Variants in DNAH5 observed in about 807,000 individuals in gnomAD.
DNAH5 encodes the protein dynein axonemal heavy chain 5, also known as axonemal beta dynein heavy chain 5.
Under a neutral mutation model 518.2 loss-of-function variants are expected in DNAH5, and 372 were observed. The observed-to-expected ratio is 0.72, with a 90% CI of 0.66 to 0.78. The LOEUF (loss-of-function observed/expected upper bound fraction) is 0.78, where lower values mean the gene tolerates loss of function less well. Ranked by LOEUF, DNAH5 falls within the 30% of genes least tolerant of loss-of-function variation. DNAH5 has a pLI of 0.00. For synonymous variants in DNAH5, 2,039 were observed against 2,025.9 expected, an observed-to-expected ratio of 1.01 and a Z score of -0.17; for missense variants, 5,523 against 5,687.0, an observed-to-expected ratio of 0.97 and a Z score of 0.93.
Position 13,866,243 on chromosome 5 carries a change from T to G in DNAH5, c.4093A>C (p.Ser1365Arg). 6.2e-7 allele frequency: 1 copy of G among 1,613,696 alleles called. No homozygotes were observed. Among genetic ancestry groups the G allele is most frequent in the Non-Finnish European group, 8.5e-7 (1 of 1,179,808 alleles). ...ACCTGAAACATGATAAGCCTGTCAC[T>G]GGCTTCCTGGGGCTTCAAGCCGCTA... ...MASGLKPQEASDRLIMFQNQF... is the reference protein window; with the variant it reads ...MASGLKPQEARDRLIMFQNQF... The change falls in exon 26 of 79, where the codon AGT becomes CGT. Residue 1365 changes from serine (S) to arginine (R), a missense_variant. Ser to Arg is a moderately radical substitution (Grantham distance 110). Transcript: ENST00000265104.
chr5:13,901,933 C>T, intron 13 of DNAH5, 120 bp downstream of exon 13: 4 of 751,804 alleles, frequency 5.3e-6, no homozygotes, highest in Non-Finnish European at 8.7e-6. Context: ...CCTTGTGACC[C>T]AAATTGCCAA....
chr5:13,752,318 G>C (rs1284884386), intron 63 of DNAH5, 29 bp from the exon 64 acceptor site: 2 of 1,613,162 alleles, frequency 1.2e-6, no homozygotes, highest in East Asian at 4.5e-5. Context: ...GGTTGCTATT[G>C]GCAGACATTA....
In DNAH5 at chr5:13,864,464, C is replaced by T. The variant is rs1768929929; in HGVS notation, c.4529G>A (p.Gly1510Glu). 4 of 1,614,080 alleles carry T rather than the reference C, an allele frequency of 2.5e-6. No homozygotes were observed. Among genetic ancestry groups the T allele is most frequent in the Non-Finnish European group, 3.4e-6 (4 of 1,179,996 alleles). ...TTLTGHSLDV[G>E]NESFKLRNIM... The stretch of plus-strand genomic sequence containing the variant: ...ATTTCTTAACTTAAAGCTTTCATTC[C>T]CCACATCCAGACTGTGCCCGGTGAG... The change falls in exon 28 of 79, where the codon GGG (glycine) becomes GAG (glutamate). Residue 1510 changes from glycine (G) to glutamate (E), a missense_variant. By Grantham distance (98) the Gly-to-Glu change is moderately conservative. This residue lies in a region of DNAH5 where 5,121 missense variants were observed against 5,223.3 expected (regional missense o/e 0.98). Transcript: ENST00000265104.
At chr5:13,989,710 C>G (rs1783374055) in intron 1 of DNAH5, among the ~76,000 whole-genome samples, 5 of 152,236 alleles carry the variant, frequency 3.3e-5, no homozygotes, top group Admixed American at 2.6e-4. Flanking sequence ...ATCTCGATCT[C>G]CTGACCTCGT....
intron 1 of DNAH5, among the ~76,000 whole-genome samples, chr5:13,938,048 T>A (rs575993101): frequency 3.3e-5 from 5 of 152,318 alleles, no homozygotes; most frequent in Admixed American, 1.3e-4. Context: ...TCATAAGTTT[T>A]AAATTTTGTG....
intron 71 of DNAH5, 103 bp from the exon 72 acceptor site, chr5:13,719,204 C>A: frequency 1.1e-6 from 1 of 931,846 alleles, no homozygotes. Context: ...AATAGGAAAA[C>A]ACTAACCATT....
chr5:13,923,930 C>G (rs558276361), intron 3 of DNAH5, among the ~76,000 whole-genome samples: 1 of 152,272 alleles, frequency 6.6e-6, no homozygotes, highest in South Asian at 2.1e-4. Context: ...CCTGTAATCC[C>G]AGCTACTTGG....
intron 1 of DNAH5, among the ~76,000 whole-genome samples, chr5:13,987,961 C>G (rs1485296798): frequency 6.6e-6 from 1 of 151,996 alleles, no homozygotes; most frequent in Admixed American, 6.6e-5. Context: ...CTAGACAAAC[C>G]TGTCACATGG....
chr5:13,744,756 G>C (rs1749103316), intron 65 of DNAH5, among the ~76,000 whole-genome samples: 1 of 152,014 alleles, frequency 6.6e-6, no homozygotes, highest in South Asian at 2.1e-4. Context: ...ACTTATTTGT[G>C]TACTTAAACT....
At chr5:13,836,865 C>A (rs1028016715) in intron 35 of DNAH5, among the ~76,000 whole-genome samples, 1 of 152,108 alleles carries the variant, frequency 6.6e-6, no homozygotes, top group Non-Finnish European at 1.5e-5. Flanking sequence ...GGGTCAGAGA[C>A]ACAAGACAGA....
intron 46 of DNAH5, 133 bp downstream of exon 46, chr5:13,808,911 G>T (rs1760118787): frequency 9.5e-7 from 1 of 1,052,384 alleles, no homozygotes; most frequent in Non-Finnish European, 1.4e-6. Flanking sequence ...AGTGAGCCGA[G>T]ATCGCGCCAC....
chr5:13,840,804 A>T (rs1394744925), intron 34 of DNAH5, 102 bp downstream of exon 34: 1 of 960,470 alleles, frequency 1.0e-6, no homozygotes, highest in Non-Finnish European at 1.6e-6. Flanking sequence ...CCAGAATTTA[A>T]TTTTTTCCTT....
intron 24 of DNAH5, among the ~76,000 whole-genome samples, chr5:13,868,809 G>A (rs966783115): frequency 4.6e-5 from 7 of 152,162 alleles, no homozygotes; most frequent in Non-Finnish European, 2.9e-5. Context: ...TGCCTCTGAT[G>A]GATGAGGAAG....
chr5:13,871,563 C>A lies in DNAH5; in HGVS notation c.3598+1G>T. On this transcript the variant is annotated splice_donor_variant, in intron 23 of 78. Coordinates refer to ENST00000265104, the MANE Select transcript of DNAH5 (RefSeq NM_001369.3). LOFTEE classifies it high-confidence loss of function. ...AACTATATGAAAGAAAATGAACCAA[C>A]CTGTGTACAGAGCAATGGAACCCAC... 1 of 1,611,688 alleles carries A rather than the reference C, an allele frequency of 6.2e-7. No homozygotes were observed. The highest frequency in any genetic ancestry group is 8.5e-7 in the Non-Finnish European group (1 of 1,178,036).
intron 1 of DNAH5, among the ~76,000 whole-genome samples, chr5:13,958,502 A>G (rs1005713901): frequency 6.6e-6 from 1 of 152,014 alleles, no homozygotes; most frequent in African/African-American, 2.4e-5. Flanking sequence ...TATTTTTAAG[A>G]CTGGATAAAG....
chr5:13,944,471 C>G lies in DNAH5; in HGVS notation c.-33G>C, dbSNP rs1779754506. The G allele has an allele frequency of 6.2e-7, 1 of 1,605,128 alleles. No individual in the cohort carries two copies. The highest frequency in any genetic ancestry group is 1.3e-5 in the African/African-American group (1 of 74,832). ...GTGCATGGACAGGCTGGAGTCAGCT[C>G]TTCCGGAATGGTCTTCTAACTCCTG... On this transcript the variant is annotated 5_prime_UTR_variant, in exon 1 of 79. Coordinates refer to ENST00000265104, the MANE Select transcript of DNAH5 (RefSeq NM_001369.3).
At chr5:13,972,834 T>C (rs1335366348) in intron 1 of DNAH5, among the ~76,000 whole-genome samples, 2 of 152,218 alleles carry the variant, frequency 1.3e-5, no homozygotes, top group Non-Finnish European at 2.9e-5. Flanking sequence ...GAGTGGGAGC[T>C]GCAAGTTAAT....
chr5:13,835,435 T>C lies in DNAH5; in HGVS notation c.5882+3921A>G, dbSNP rs531413650. ...AGCTTAAAGAGCCAGGCCGGCAAGC[T>C]TTGATATGCAAATGCTGGTGATTAG... On this transcript the variant is annotated intron_variant, in intron 35 of 78. Transcript: ENST00000265104. Among the ~76,000 whole-genome samples the C allele has an allele frequency of 4.6e-5, 7 of 152,298 alleles. No homozygotes were observed. In the East Asian group the frequency reaches 1.4e-3, roughly 29 times the overall value.
Position 13,871,689 on chromosome 5 carries a change from G to T in DNAH5, c.3473C>A (p.Thr1158Lys). ...WQKGKEEAIK[T>K]FITQSPLLSE... ...AAGCAAGGGGCTCTGTGTAATAAAT[G>T]TCTTAATGGCTTCTTCTTTTCCCTT... Residue 1158 changes from threonine (T) to lysine (K), a missense_variant, in exon 23 of 79, where the codon ACA (threonine) becomes AAA (lysine). Physicochemically the swap from Thr to Lys is moderately conservative, Grantham distance 78. This residue lies in a region of DNAH5 where 5,121 missense variants were observed against 5,223.3 expected (regional missense o/e 0.98). Coordinates refer to ENST00000265104, the MANE Select transcript of DNAH5 (RefSeq NM_001369.3). 6.2e-7 allele frequency: 1 copy of T among 1,613,758 alleles called. No homozygotes were observed. The highest frequency in any genetic ancestry group is 8.5e-7 in the Non-Finnish European group (1 of 1,179,778).
Sources: gnomAD v4.1 joint callset for allele counts (sites outside exome capture counted in the v4.1 genomes callset) on GRCh38, gnomAD v4.1.1 for gene constraint, gnomAD v4.1.1 regional missense constraint, MANE v1.5 for transcripts, NCBI Gene and HGNC (gene_info 2026-07-23, HGNC 2026-07-21) for gene names.